The following TBCD variants were observed in gnomAD, a reference collection of about 807,000 sequenced individuals.
The protein encoded by TBCD is tubulin folding cofactor D, also known as tubulin-specific chaperone D.
A neutral mutation model predicts 169.3 loss-of-function variants in TBCD; 105 were observed. The ratio of observed to expected loss-of-function variants is 0.62; its 90% confidence interval spans 0.53 to 0.73. The LOEUF is 0.73. Ranked by LOEUF, TBCD falls within the 30% of genes least tolerant of loss-of-function variation. TBCD has a pLI of 0.00. For synonymous variants in TBCD, 700 were observed against 643.9 expected, an observed-to-expected ratio of 1.09 and a Z score of -1.32; for missense variants, 1,444 against 1,600.1, an observed-to-expected ratio of 0.90 and a Z score of 1.66.
Position 82,789,984 on chromosome 17 carries a change from C to T in TBCD, c.772-7773C>T, listed in dbSNP as rs2049586710. On this transcript the variant is annotated intron_variant, in intron 7 of 38. Transcript: ENST00000355528. This position sits in a 1 kb window ranked among gnomAD's most constrained non-coding sequence, Gnocchi z 4.8. ...CGTGTTCCCTCCCGCTGTCCGCTCA[C>T]ACCTGCCTGTGTGGACGTGGCTCTG... Among the ~76,000 whole-genome samples the T allele has an allele frequency of 6.6e-6, 1 of 152,156 alleles. No homozygotes were observed. The highest frequency in any genetic ancestry group is 1.5e-5 in the Non-Finnish European group (1 of 68,042).
intron 7 of TBCD, among the ~76,000 whole-genome samples, chr17:82,783,256 A>G (rs2049074628): frequency 6.6e-6 from 1 of 152,104 alleles, no homozygotes. Context: ...GTGTGAGAGA[A>G]AACTGCAGAC....
intron 9 of TBCD, among the ~76,000 whole-genome samples, chr17:82,802,188 G>A (rs935950582): frequency 6.8e-6 from 1 of 147,736 alleles, no homozygotes; most frequent in Non-Finnish European, 1.5e-5. Flanking sequence ...TGTAGCGGCC[G>A]GTGTGAACGG....
chr17:82,857,282 C>T lies in TBCD; in HGVS notation c.1319-12942C>T, dbSNP rs533858579. Among the ~76,000 whole-genome samples, 30 of 152,272 alleles carry T rather than the reference C, an allele frequency of 2.0e-4. 1 individual carries two copies. In the East Asian group the frequency reaches 5.2e-3, roughly 26 times the overall value. The stretch of plus-strand genomic sequence containing the variant: ...TCTCTGGATAAATGTCTAGTCAAGT[C>T]CTTTGACCATTTTTAAATTGGATTG... On this transcript the variant is annotated intron_variant, in intron 13 of 38. Coordinates refer to ENST00000355528, the MANE Select transcript of TBCD (RefSeq NM_005993.5).
chr17:82,908,926 AAG>A (rs1447623235), intron 21 of TBCD, among the ~76,000 whole-genome samples: 1 of 152,264 alleles, frequency 6.6e-6, no homozygotes, highest in African/African-American at 2.4e-5. Flanking sequence ...CTTACAAAAA[AAG>A]AAACATCAGC....
rs375619355 is a variant in TBCD, at chr17:82,831,660, C to G, written c.1318+16726C>G. On this transcript the variant is annotated intron_variant, in intron 13 of 38. Transcript: ENST00000355528. This position sits in a 1 kb window ranked among gnomAD's most constrained non-coding sequence, Gnocchi z 4.6. ...ACAGCAGGGGTGCGTCACACTCAGG[C>G]GAGCTCCCAGCCAGCAGGTAAGGCG... 6.2e-7 allele frequency: 1 copy of G among 1,614,088 alleles called. No homozygotes were observed. The highest frequency in any genetic ancestry group is 8.5e-7 in the Non-Finnish European group (1 of 1,180,014).
In TBCD at chr17:82,791,611, G is replaced by A. The variant is rs180927007; in HGVS notation, c.772-6146G>A. On this transcript the variant is annotated intron_variant, in intron 7 of 38. Coordinates refer to ENST00000355528, the MANE Select transcript of TBCD (RefSeq NM_005993.5). ...AAGATGGGCTGTGCAGAATGAGCTC[G>A]GAATAGCAGCCAGAAGGCTCAGTGA... is the stretch of plus-strand genomic sequence containing the variant. Among the ~76,000 whole-genome samples, 13 of 152,308 alleles carry A rather than the reference G, an allele frequency of 8.5e-5. No homozygotes were observed. In the East Asian group the frequency reaches 2.5e-3, roughly 29 times the overall value.
chr17:82,841,630 T>A (rs2054534970), intron 13 of TBCD, among the ~76,000 whole-genome samples: 3 of 152,230 alleles, frequency 2.0e-5, no homozygotes. Context: ...AAACAGCAGT[T>A]CCCTGTCCCT....
At chr17:82,936,433 GT>G (rs1239448357) in intron 34 of TBCD, among the ~76,000 whole-genome samples, 1 of 152,156 alleles carries the variant, frequency 6.6e-6, no homozygotes, top group Non-Finnish European at 1.5e-5. Flanking sequence ...TTTCCTGCCT[GT>G]TTGGCTGGGT....
intron 34 of TBCD, among the ~76,000 whole-genome samples, chr17:82,933,414 C>T (rs530933520): frequency 1.4e-4 from 21 of 151,290 alleles, no homozygotes; most frequent in African/African-American, 3.4e-4. Flanking sequence ...GTCTAATGTA[C>T]GGCTAATGTT....
At chr17:82,816,495 G>A (rs2051915760) in intron 13 of TBCD, among the ~76,000 whole-genome samples, 1 of 151,816 alleles carries the variant, frequency 6.6e-6, no homozygotes, top group South Asian at 2.1e-4. Context: ...TGCCTGTAGT[G>A]TGTGAGGGTT....
intron 30 of TBCD, among the ~76,000 whole-genome samples, chr17:82,928,211 C>T (rs1178177675): frequency 1.3e-5 from 2 of 152,186 alleles, no homozygotes; most frequent in South Asian, 4.1e-4. Flanking sequence ...TGCCCAGTGC[C>T]CCCAGGACGA....
intron 19 of TBCD, among the ~76,000 whole-genome samples, chr17:82,905,210 A>C (rs1332609086): frequency 1.3e-5 from 2 of 152,148 alleles, no homozygotes; most frequent in Non-Finnish European, 2.9e-5. Context: ...AGCCAGGCAG[A>C]GCTCCTGCCA....
intron 8 of TBCD, among the ~76,000 whole-genome samples, 152 bp downstream of exon 8, chr17:82,797,954 T>C (rs1454066697): frequency 7.0e-6 from 1 of 143,870 alleles, no homozygotes; most frequent in Non-Finnish European, 1.5e-5. Flanking sequence ...TGGGTTTTAG[T>C]AACTGAACTT....
At chr17:82,756,877 A>G (rs2143800780) in intron 2 of TBCD, among the ~76,000 whole-genome samples, 1 of 152,280 alleles carries the variant, frequency 6.6e-6, no homozygotes, top group Admixed American at 6.5e-5. Context: ...GGTGTTTTAC[A>G]TGGGTCATCA....
intron 16 of TBCD, among the ~76,000 whole-genome samples, chr17:82,891,062 G>A (rs2059102101): frequency 6.6e-6 from 1 of 152,212 alleles, no homozygotes; most frequent in African/African-American, 2.4e-5. Flanking sequence ...CCGGGGTGAC[G>A]ACCGTGCTGG....
chr17:82,780,078 T>C (rs761776159), intron 6 of TBCD, among the ~76,000 whole-genome samples: 3 of 152,120 alleles, frequency 2.0e-5, no homozygotes, highest in Non-Finnish European at 4.4e-5. Context: ...GCTTGGCCAG[T>C]ACTGGTCCTG....
intron 17 of TBCD, among the ~76,000 whole-genome samples, chr17:82,894,096 C>T (rs554847187): frequency 2.0e-5 from 3 of 152,224 alleles, no homozygotes; most frequent in South Asian, 4.1e-4. Flanking sequence ...CTTTCTGTTT[C>T]GGTAATAGGA....
intron 6 of TBCD, among the ~76,000 whole-genome samples, chr17:82,780,513 T>G (rs961633287): frequency 6.6e-6 from 1 of 151,744 alleles, no homozygotes; most frequent in African/African-American, 2.4e-5. Flanking sequence ...TAGTCCCAGC[T>G]ACTCGAGAGG....
rs1422811351 is a variant in TBCD, at chr17:82,923,150, T to C, written c.2179-502T>C. Among the ~76,000 whole-genome samples, 2 of 152,256 alleles carry C rather than the reference T, an allele frequency of 1.3e-5. No individual in the cohort carries two copies. The highest frequency in any genetic ancestry group is 1.5e-5 in the Non-Finnish European group (1 of 68,052). On this transcript the variant is annotated intron_variant, in intron 25 of 38. Coordinates refer to ENST00000355528, the MANE Select transcript of TBCD (RefSeq NM_005993.5). The surrounding 1 kb of genome is among the most constrained non-coding windows in gnomAD (Gnocchi z 4.6). ...CTGCCCCGTTACTCTGGGTGCATAG[T>C]GTATGCCTTTTTCTTCATAACTATT...
Sources: gnomAD v4.1 joint callset for allele counts (sites outside exome capture counted in the v4.1 genomes callset) on GRCh38, gnomAD v4.1.1 for gene constraint, Gnocchi (gnomAD v3.1) non-coding constraint, MANE v1.5 for transcripts, NCBI Gene and HGNC (gene_info 2026-07-23, HGNC 2026-07-21) for gene names.